LYPLAL1: variants seen among roughly 807,000 people sequenced by gnomAD.
LYPLAL1 encodes lysophospholipase-like protein 1.
A neutral mutation model predicts 19.7 loss-of-function variants in LYPLAL1; 23 were observed. That is an observed-to-expected ratio of 1.17 (90% CI 0.84 to 1.65). LYPLAL1 has a LOEUF of 1.65. Ranked by LOEUF, LYPLAL1 falls within the 40% of genes most tolerant of loss-of-function variation. LYPLAL1 has a pLI of 0.00. For missense variants in LYPLAL1, 355 were observed against 279.4 expected, an observed-to-expected ratio of 1.27 and a Z score of -1.93; for synonymous variants, 119 against 96.3, an observed-to-expected ratio of 1.24 and a Z score of -1.38.
the LYPLAL1 span, among the ~76,000 whole-genome samples, chr1:219,315,957 T>A: frequency 6.6e-6 from 1 of 151,990 alleles, no homozygotes; most frequent in Non-Finnish European, 1.5e-5. Flanking sequence ...TATAATTAAA[T>A]GGAAAAAAAA....
At chr1:219,271,639 G>A in the LYPLAL1 span, 3 of 152,162 alleles carry the variant, frequency 2.0e-5, no homozygotes, top group Admixed American at 6.5e-5. Flanking sequence ...TCAGACTAAT[G>A]TTCAGATCAC....
rs1030482582 is a variant in LYPLAL1, at chr1:219,212,334, G to C, written c.*606G>C. 1 of 151,926 alleles carries C rather than the reference G, an allele frequency of 6.6e-6. No homozygotes were observed. The highest frequency in any genetic ancestry group is 2.4e-5 in the African/African-American group (1 of 41,392). 9.4% of individuals were successfully genotyped at this position (151,926 alleles called of 1,614,324 possible). A position where few individuals can be genotyped will look rare whatever the true frequency, so the allele number is the denominator to read the frequency against. ...TCTATTTCTGTTAACCCAAATTGCTGCTCTGTTTTAGGTCTCAATTTCATC... is the reference window on the plus strand; with the variant it reads ...TCTATTTCTGTTAACCCAAATTGCTCCTCTGTTTTAGGTCTCAATTTCATC... On this transcript the variant is annotated 3_prime_UTR_variant, in exon 5 of 5. Transcript: ENST00000366928.
the LYPLAL1 span, among the ~76,000 whole-genome samples, chr1:219,441,835 C>T: frequency 0.044 from 6,648 of 152,096 alleles, 231 homozygotes; most frequent in African/African-American, 0.098. Flanking sequence ...GTTATCAGAG[C>T]CTTTGCCATA....
chr1:219,360,798 A>G, the LYPLAL1 span, among the ~76,000 whole-genome samples: 1 of 152,126 alleles, frequency 6.6e-6, no homozygotes, highest in African/African-American at 2.4e-5. Context: ...ATGCTCCCTG[A>G]TGGTGACAGG....
At chr1:219,401,664 C>G in the LYPLAL1 span, among the ~76,000 whole-genome samples, 2 of 151,998 alleles carry the variant, frequency 1.3e-5, no homozygotes, top group Non-Finnish European at 2.9e-5. Context: ...GGAAGGTATG[C>G]CAGCAAAATA....
the LYPLAL1 span, among the ~76,000 whole-genome samples, chr1:219,267,907 G>A: frequency 7.9e-5 from 12 of 152,266 alleles, no homozygotes; most frequent in Admixed American, 1.3e-4. Context: ...GGTTGAGCCC[G>A]AAATCTATTT....
At chr1:219,420,415 C>G in the LYPLAL1 span, among the ~76,000 whole-genome samples, 2 of 152,158 alleles carry the variant, frequency 1.3e-5, no homozygotes, top group East Asian at 3.8e-4. Context: ...AAGAAAAGAT[C>G]ATCGTTGTAT....
the LYPLAL1 span, among the ~76,000 whole-genome samples, chr1:219,264,024 G>A: frequency 6.6e-6 from 1 of 152,126 alleles, no homozygotes; most frequent in East Asian, 1.9e-4. Context: ...GTCCAACTGG[G>A]AGCTGCCCAT....
the LYPLAL1 span, among the ~76,000 whole-genome samples, chr1:219,252,525 G>C: frequency 6.6e-6 from 1 of 152,008 alleles, no homozygotes; most frequent in Admixed American, 6.6e-5. Flanking sequence ...GCCTTTTTCT[G>C]TATCTATTGA....
chr1:219,301,548 C>T, the LYPLAL1 span, among the ~76,000 whole-genome samples: 1 of 152,074 alleles, frequency 6.6e-6, no homozygotes, highest in East Asian at 1.9e-4. Flanking sequence ...ACAAAAAAAT[C>T]CAAAGTAATT....
the LYPLAL1 span, among the ~76,000 whole-genome samples, chr1:219,332,323 A>G: frequency 6.6e-6 from 1 of 152,072 alleles, no homozygotes; most frequent in Non-Finnish European, 1.5e-5. Flanking sequence ...GTTTTAGTCA[A>G]CCCCTGTTTG....
At chr1:219,340,147 A>T in the LYPLAL1 span, among the ~76,000 whole-genome samples, 2 of 152,228 alleles carry the variant, frequency 1.3e-5, no homozygotes, top group South Asian at 4.1e-4. Context: ...CAAAATGCAC[A>T]GCTTACAAAA....
the LYPLAL1 span, among the ~76,000 whole-genome samples, chr1:219,434,886 C>T: frequency 6.8e-6 from 1 of 146,906 alleles, no homozygotes; most frequent in Non-Finnish European, 1.5e-5. Flanking sequence ...TGATGCTGTA[C>T]TGGAAAAAAA....
chr1:219,380,536 C>A, the LYPLAL1 span, among the ~76,000 whole-genome samples: 1 of 152,246 alleles, frequency 6.6e-6, no homozygotes, highest in Non-Finnish European at 1.5e-5. Flanking sequence ...GGATTCGAAG[C>A]TGTCAGCCAA....
chr1:219,411,658 T>G, the LYPLAL1 span: 1 of 152,428 alleles, frequency 6.6e-6, no homozygotes, highest in Non-Finnish European at 1.5e-5. Flanking sequence ...CGCTCTGCAA[T>G]AAATCTTGCT....
chr1:219,216,894 C>T (rs931764005), downstream of LYPLAL1, among the ~76,000 whole-genome samples: 1 of 152,102 alleles, frequency 6.6e-6, no homozygotes, highest in African/African-American at 2.4e-5. Flanking sequence ...GAATGACTGT[C>T]CTGTGCTGCC....
At chr1:219,225,983 T>C in the LYPLAL1 span, among the ~76,000 whole-genome samples, 2 of 152,322 alleles carry the variant, frequency 1.3e-5, no homozygotes, top group South Asian at 2.1e-4. Flanking sequence ...TCTCCCTCAA[T>C]TGACAAACTA....
the LYPLAL1 span, among the ~76,000 whole-genome samples, chr1:219,415,924 C>T: frequency 2.0e-5 from 3 of 152,142 alleles, no homozygotes; most frequent in Admixed American, 6.5e-5. Flanking sequence ...CTTCACATAG[C>T]GCTTCTCTCT....
chr1:219,424,241 A>G, the LYPLAL1 span, among the ~76,000 whole-genome samples: 5 of 152,142 alleles, frequency 3.3e-5, no homozygotes, highest in African/African-American at 1.2e-4. Flanking sequence ...ATAAAACTAT[A>G]AACTTAGCAT....
Sources: gnomAD v4.1 joint callset for allele counts (sites outside exome capture counted in the v4.1 genomes callset) on GRCh38, gnomAD v4.1.1 for gene constraint, MANE v1.5 for transcripts, NCBI Gene and HGNC (gene_info 2026-07-23, HGNC 2026-07-21) for gene names.